Variants in DNAJC1 observed in about 807,000 individuals in gnomAD.
DNAJC1 encodes the protein dnaJ homolog subfamily C member 1.
In DNAJC1, 58 loss-of-function variants were observed where a neutral mutation model predicts 76.6. That is an observed-to-expected ratio of 0.76 (90% CI 0.61 to 0.94). DNAJC1 has a LOEUF of 0.94. DNAJC1 is among the 40% of genes least tolerant of loss of function. DNAJC1 has a pLI of 0.00. For synonymous variants in DNAJC1, 258 were observed against 267.9 expected (o/e 0.96, Z 0.36); for missense variants, 689 against 677.3 (o/e 1.02, Z -0.19).
At chr10:21,759,112 G>A in intron 11 of DNAJC1, 58 bp downstream of exon 11, 1 of 1,511,322 alleles carries the variant, frequency 6.6e-7, no homozygotes, top group South Asian at 1.3e-5. Context: ...CAGACAAGCT[G>A]TGGCTCCTCT....
At chr10:21,834,239 G>A (rs1182657166) in intron 8 of DNAJC1, among the ~76,000 whole-genome samples, 2 of 152,038 alleles carry the variant, frequency 1.3e-5, no homozygotes, top group Non-Finnish European at 2.9e-5. Flanking sequence ...ACTCCAGCCT[G>A]GGCGACAGAG....
In DNAJC1 at chr10:21,929,131, G is replaced by C. The variant is rs367608562; in HGVS notation, c.233C>G (p.Ser78Cys). 1.2e-6 allele frequency: 2 copies of C among 1,610,150 alleles called. No homozygotes were observed. Among genetic ancestry groups the C allele is most frequent in the Non-Finnish European group, 1.7e-6 (2 of 1,178,356 alleles). ...ACGATATGCTTTTCTGATGTCTGCA[G>C]ATGATGCATCCTGGAGGTGGTAGGG... is the stretch of plus-strand genomic sequence containing the variant. ...QFLGVQQDASSADIRKAYRKL... is the reference protein window; with the variant it reads ...QFLGVQQDASCADIRKAYRKL... Residue 78 changes from serine to cysteine, a missense_variant, in exon 2 of 12, where the codon TCT becomes TGT. Ser to Cys is a moderately radical substitution (Grantham distance 112, BLOSUM62 -1). Transcript: ENST00000376980.
At chr10:21,805,939 T>C in intron 9 of DNAJC1, 41 bp downstream of exon 9, 1 of 1,608,824 alleles carries the variant, frequency 6.2e-7, no homozygotes, top group Non-Finnish European at 8.5e-7. Context: ...TGACTTGTTC[T>C]GGTTTCTCTC....
intron 6 of DNAJC1, among the ~76,000 whole-genome samples, chr10:21,908,177 AATATATAAAAATATATATTAT>A (rs1159671333): frequency 1.7e-4 from 19 of 110,132 alleles, no homozygotes; most frequent in African/African-American, 4.0e-4. Context: ...TATAATATAT[AATATATAAAAATATATATTAT>A]ATATATAAAA....
chr10:21,919,913 C>G lies in DNAJC1; in HGVS notation c.554G>C (p.Arg185Thr). Residue 185 changes from arginine (R) to threonine (T), a missense_variant, in exon 5 of 12, where the codon AGA (arginine) becomes ACA (threonine). Coordinates refer to ENST00000376980, the MANE Select transcript of DNAJC1 (RefSeq NM_022365.4). ...CTTTTTTTTCTTTTCTCTCTTTTTTCTACTTAGTAGTTCATCCTTAATGTG... is the reference window on the plus strand; with the variant it reads ...CTTTTTTTTCTTTTCTCTCTTTTTTGTACTTAGTAGTTCATCCTTAATGTG... ...LEKQLDELLS[R>T]KKREKKKKTG... 6 of 1,602,952 alleles carry G rather than the reference C, an allele frequency of 3.7e-6. No individual in the cohort carries two copies. The South Asian group carries it at 6.7e-5, about 18-fold the overall frequency.
chr10:21,908,064 T>C (rs1836779037), intron 6 of DNAJC1, among the ~76,000 whole-genome samples: 1 of 116,280 alleles, frequency 8.6e-6, no homozygotes, highest in African/African-American at 3.4e-5. Flanking sequence ...ATATATAATA[T>C]AATATACATA....
rs146259198 is a variant in DNAJC1 at position 21,824,336 on chromosome 10, C to T, written c.979-18237G>A. Among the ~76,000 whole-genome samples the T allele has an allele frequency of 8.8e-3, 1,336 of 152,226 alleles. 6 individuals carry two copies. The highest frequency in any genetic ancestry group is 0.015 in the Non-Finnish European group (1,029 of 68,010). On this transcript the variant is annotated intron_variant, in intron 8 of 11. Transcript: ENST00000376980. ...AGAGGGATTTCAGACAGAGTTTGTT[C>T]TCAATACTAAATGCACTTCAAGTGT...
intron 1 of DNAJC1, among the ~76,000 whole-genome samples, chr10:21,975,912 T>C (rs1730697506): frequency 6.6e-6 from 1 of 152,182 alleles, no homozygotes; most frequent in South Asian, 2.1e-4. Context: ...CTAAAGGTTT[T>C]TTTAAAAAGT....
intron 8 of DNAJC1, among the ~76,000 whole-genome samples, chr10:21,856,781 G>T (rs1835841379): frequency 6.6e-6 from 1 of 151,726 alleles, no homozygotes; most frequent in Non-Finnish European, 1.5e-5. Context: ...TTCTCACCCA[G>T]GCTGGAGTGC....
At chr10:22,002,881 A>C (rs1171730126) in intron 1 of DNAJC1, among the ~76,000 whole-genome samples, 1 of 151,220 alleles carries the variant, frequency 6.6e-6, no homozygotes, top group African/African-American at 2.4e-5. Context: ...AAGTCTACCC[A>C]CACCACTCTT....
chr10:21,975,313 T>G (rs1195352871), intron 1 of DNAJC1, among the ~76,000 whole-genome samples: 1 of 151,410 alleles, frequency 6.6e-6, no homozygotes, highest in Non-Finnish European at 1.5e-5. Flanking sequence ...AAAAATAAGC[T>G]GCAATAAATA....
chr10:21,976,541 GTAA>G (rs1193443663), intron 1 of DNAJC1, among the ~76,000 whole-genome samples: 6 of 152,160 alleles, frequency 3.9e-5, no homozygotes, highest in Non-Finnish European at 7.4e-5. Flanking sequence ...AATCTTTGTA[GTAA>G]TAATTCCTAA....
intron 9 of DNAJC1, among the ~76,000 whole-genome samples, chr10:21,787,154 C>T (rs536013068): frequency 1.3e-5 from 2 of 152,098 alleles, no homozygotes; most frequent in African/African-American, 4.8e-5. Context: ...ATGGTGAAAC[C>T]TTGTTTCTAC....
At chr10:21,858,301 G>C (rs1835871072) in intron 8 of DNAJC1, among the ~76,000 whole-genome samples, 1 of 152,184 alleles carries the variant, frequency 6.6e-6, no homozygotes, top group Non-Finnish European at 1.5e-5. Context: ...AACACTGCTA[G>C]TTGGGATACT....
At chr10:21,845,765 T>TA (rs368058557) in intron 8 of DNAJC1, among the ~76,000 whole-genome samples, 1 of 152,040 alleles carries the variant, frequency 6.6e-6, no homozygotes, top group African/African-American at 2.4e-5. Flanking sequence ...AAATAATTAT[T>TA]AAAAAAACAC....
chr10:21,990,700 C>A (rs1015571677), intron 1 of DNAJC1, among the ~76,000 whole-genome samples: 4 of 152,164 alleles, frequency 2.6e-5, no homozygotes, highest in Admixed American at 2.6e-4. Flanking sequence ...GAGGTCTCCA[C>A]CAACTTCAGG....
At chr10:21,923,976 G>A (rs1837078766) in intron 3 of DNAJC1, among the ~76,000 whole-genome samples, 1 of 151,902 alleles carries the variant, frequency 6.6e-6, no homozygotes, top group Admixed American at 6.6e-5. Context: ...ATTCTAGCAT[G>A]TGCCTAATTA....
At chr10:21,903,097 T>C (rs976305660) in intron 7 of DNAJC1, among the ~76,000 whole-genome samples, 24 of 152,098 alleles carry the variant, frequency 1.6e-4, no homozygotes, top group African/African-American at 5.3e-4. Context: ...TGGCTAATTT[T>C]TGTATTTTTA....
rs1056321333 is a variant in DNAJC1 at position 21,895,769 on chromosome 10, C to T, written c.820+8753G>A. Among the ~76,000 whole-genome samples, 4 of 152,138 alleles carry T rather than the reference C, an allele frequency of 2.6e-5. No individual in the cohort carries two copies. In the East Asian group the frequency reaches 5.8e-4, roughly 22 times the overall value. ...GGCATTTTGGAGATTATCTGTGCTG[C>T]CCTTCTCATAGCAGGCTCAGAGCAC... On this transcript the variant is annotated intron_variant, in intron 7 of 11. Transcript: ENST00000376980.
Sources: allele counts gnomAD v4.1 joint callset (sites outside exome capture counted in the v4.1 genomes callset), GRCh38; gene constraint gnomAD v4.1.1; transcripts MANE v1.5; gene names NCBI Gene and HGNC (gene_info 2026-07-23, HGNC 2026-07-21).